Variants in ACER3 observed in about 807,000 individuals in gnomAD.
ACER3 encodes alkCDase 3.
ACER3 carries 16 observed loss-of-function variants against 48.9 expected under a neutral mutation model. The observed-to-expected ratio is 0.33, with a 90% CI of 0.22 to 0.50. The LOEUF is 0.50. Ranked by LOEUF, ACER3 falls within the 20% of genes least tolerant of loss-of-function variation. The pLI is 0.98. For synonymous variants in ACER3, 109 were observed against 107.8 expected (o/e 1.01, Z -0.07); for missense variants, 227 against 326.0 (o/e 0.70, Z 2.34).
At chr11:77,016,882 C>G in intron 9 of ACER3, 103 bp downstream of exon 9, 1 of 580,380 alleles carries the variant, frequency 1.7e-6, no homozygotes, top group East Asian at 3.1e-5. Flanking sequence ...CTAGAAAATT[C>G]ACAAACATGA....
At chr11:76,954,555 C>T (rs999992571) in intron 2 of ACER3, among the ~76,000 whole-genome samples, 1 of 151,432 alleles carries the variant, frequency 6.6e-6, no homozygotes, top group Non-Finnish European at 1.5e-5. Context: ...TCTATAACTC[C>T]CCTTTTTTAT....
At chr11:77,019,568 G>GT in intron 9 of ACER3, 163 bp from the exon 10 acceptor site, 1 of 639,938 alleles carries the variant, frequency 1.6e-6, no homozygotes, top group South Asian at 2.0e-5. Flanking sequence ...AATATTTTGA[G>GT]TAGATGCTCA....
At chr11:76,958,503 T>C (rs1565199746) in intron 2 of ACER3, among the ~76,000 whole-genome samples, 1 of 152,190 alleles carries the variant, frequency 6.6e-6, no homozygotes, top group African/African-American at 2.4e-5. Flanking sequence ...TCATTTTTAT[T>C]AAGTCTACTT....
At chr11:76,925,816 A>G (rs1946815529) in intron 1 of ACER3, among the ~76,000 whole-genome samples, 1 of 152,144 alleles carries the variant, frequency 6.6e-6, no homozygotes, top group South Asian at 2.1e-4. Flanking sequence ...ATTTGTCTTG[A>G]TATTAGCATC....
intron 2 of ACER3, among the ~76,000 whole-genome samples, chr11:76,927,336 C>T (rs1651656425): frequency 6.6e-6 from 1 of 152,148 alleles, no homozygotes; most frequent in African/African-American, 2.4e-5. Context: ...TCAGCTATAC[C>T]AGAGCCTAAC....
chr11:76,919,915 G>T (rs1946642002), intron 1 of ACER3, among the ~76,000 whole-genome samples: 1 of 152,096 alleles, frequency 6.6e-6, no homozygotes, highest in South Asian at 2.1e-4. Context: ...TATAATTGTG[G>T]TCGTTATCAA....
chr11:76,930,024 G>A (rs1184182485), intron 2 of ACER3, among the ~76,000 whole-genome samples: 1 of 150,972 alleles, frequency 6.6e-6, no homozygotes, highest in African/African-American at 2.4e-5. Context: ...CTGTTGATTG[G>A]AATAGTTTCA....
intron 7 of ACER3, among the ~76,000 whole-genome samples, chr11:77,003,695 C>G (rs1949079132): frequency 6.6e-6 from 1 of 152,070 alleles, no homozygotes; most frequent in Non-Finnish European, 1.5e-5. Flanking sequence ...TATAAATTTT[C>G]CTCTCAGCAC....
chr11:77,000,860 TC>T (rs1949018684), intron 7 of ACER3, among the ~76,000 whole-genome samples: 1 of 152,192 alleles, frequency 6.6e-6, no homozygotes, highest in African/African-American at 2.4e-5. Flanking sequence ...CCCACTTCAT[TC>T]TTTTTTTTCA....
chr11:76,879,281 C>A (rs1945465042), intron 1 of ACER3, among the ~76,000 whole-genome samples: 1 of 152,124 alleles, frequency 6.6e-6, no homozygotes, highest in African/African-American at 2.4e-5. Flanking sequence ...ATATCCATCT[C>A]AGATTTATTG....
At chr11:77,016,644 T>G in intron 8 of ACER3, 31 bp from the exon 9 acceptor site, 1 of 1,210,582 alleles carries the variant, frequency 8.3e-7, no homozygotes, top group Non-Finnish European at 1.2e-6. Context: ...TTTTAAAAAT[T>G]TAACGTGATT....
At chr11:76,876,903 A>G (rs7945453) in intron 1 of ACER3, among the ~76,000 whole-genome samples, 2 of 152,342 alleles carry the variant, frequency 1.3e-5, no homozygotes, top group African/African-American at 4.8e-5. Flanking sequence ...GTAATAATAA[A>G]TTTGTTTTAA....
At chr11:76,871,402 C>T (rs1292391500) in intron 1 of ACER3, among the ~76,000 whole-genome samples, 1 of 152,128 alleles carries the variant, frequency 6.6e-6, no homozygotes, top group Non-Finnish European at 1.5e-5. Context: ...CATTAGATGT[C>T]AATCAGTACA....
At chr11:76,864,141 C>T (rs1170238094) in intron 1 of ACER3, among the ~76,000 whole-genome samples, 1 of 152,178 alleles carries the variant, frequency 6.6e-6, no homozygotes, top group Non-Finnish European at 1.5e-5. Context: ...ACTTTCAGCA[C>T]CCGAAAACTG....
intron 1 of ACER3, among the ~76,000 whole-genome samples, chr11:76,922,342 C>T (rs763708102): frequency 5.3e-5 from 8 of 152,108 alleles, no homozygotes; most frequent in Non-Finnish European, 1.0e-4. Flanking sequence ...ACTACCTGTA[C>T]GTTTGGGCAT....
chr11:76,875,229 T>A (rs1232388374), intron 1 of ACER3, among the ~76,000 whole-genome samples: 2 of 149,784 alleles, frequency 1.3e-5, no homozygotes, highest in Non-Finnish European at 3.0e-5. Flanking sequence ...TTCTTGTGCC[T>A]CAGCCTCCCT....
chr11:76,884,603 G>A (rs1945626325), intron 1 of ACER3, among the ~76,000 whole-genome samples: 1 of 151,942 alleles, frequency 6.6e-6, no homozygotes, highest in Non-Finnish European at 1.5e-5. Flanking sequence ...CATTAAGATA[G>A]GTGTATTAAA....
intron 10 of ACER3, 106 bp downstream of exon 10, chr11:77,019,882 C>T (rs1296024230): frequency 2.5e-6 from 3 of 1,196,350 alleles, no homozygotes; most frequent in Non-Finnish European, 3.7e-6. Context: ...GTGGAGCAAA[C>T]ACAGGCTTTG....
intron 4 of ACER3, among the ~76,000 whole-genome samples, chr11:76,978,182 T>A (rs919815514): frequency 1.3e-5 from 2 of 152,022 alleles, no homozygotes; most frequent in Non-Finnish European, 2.9e-5. Flanking sequence ...AAAGGGGCAG[T>A]CCCCGGTGAA....
Sources: allele counts gnomAD v4.1 joint callset (sites outside exome capture counted in the v4.1 genomes callset), GRCh38; gene constraint gnomAD v4.1.1; transcripts MANE v1.5; gene names NCBI Gene and HGNC (gene_info 2026-07-23, HGNC 2026-07-21).